The following EXT1 variants were observed in gnomAD, a reference collection of about 807,000 sequenced individuals.
EXT1 encodes the protein exostosin-1.
A neutral mutation model predicts 82.5 loss-of-function variants in EXT1; 20 were observed. That is an observed-to-expected ratio of 0.24 (90% CI 0.17 to 0.35). The LOEUF is 0.35. EXT1 is among the 10% of genes least tolerant of loss of function. EXT1 has a pLI of 1.00. For synonymous variants in EXT1, 348 were observed against 350.8 expected (o/e 0.99, Z 0.09); for missense variants, 757 against 936.5 (o/e 0.81, Z 2.50).
At chr8:117,840,523 A>T (rs2129800457) in intron 1 of EXT1, among the ~76,000 whole-genome samples, 1 of 152,144 alleles carries the variant, frequency 6.6e-6, no homozygotes, top group East Asian at 1.9e-4. Context: ...GAGGAAGAAG[A>T]ATCACTTGAA....
At chr8:118,010,804 C>T (rs145409335) in intron 1 of EXT1, among the ~76,000 whole-genome samples, 1 of 152,340 alleles carries the variant, frequency 6.6e-6, no homozygotes, top group East Asian at 1.9e-4. Flanking sequence ...TCTCACTCTT[C>T]CTCACTCTAC....
chr8:117,921,156 G>C (rs1050407052), intron 1 of EXT1, among the ~76,000 whole-genome samples: 4 of 152,088 alleles, frequency 2.6e-5, no homozygotes, highest in Admixed American at 6.6e-5. Context: ...ACTAATAAAG[G>C]CTTTGGGCAA....
chr8:118,030,737 C>T (rs914328256), intron 1 of EXT1, among the ~76,000 whole-genome samples: 1 of 152,210 alleles, frequency 6.6e-6, no homozygotes, highest in African/African-American at 2.4e-5. Context: ...CCGCCTCAGC[C>T]TCCCAAAGTG....
At chr8:117,945,051 A>G (rs2129681643) in intron 1 of EXT1, among the ~76,000 whole-genome samples, 1 of 152,214 alleles carries the variant, frequency 6.6e-6, no homozygotes, top group East Asian at 1.9e-4. Context: ...AGTCCCAGCT[A>G]CTCAGGAGGC....
In EXT1 at chr8:118,111,157, C is replaced by T. The variant is rs946441650; in HGVS notation, c.-111G>A. 7 of 1,439,680 alleles carry T rather than the reference C, an allele frequency of 4.9e-6. No individual in the cohort carries two copies. The African/African-American group carries it at 9.9e-5, about 20-fold the overall frequency. 89.2% of individuals were successfully genotyped at this position (1,439,680 alleles called of 1,614,324 possible). A position where few individuals can be genotyped will look rare whatever the true frequency, so the allele number is the denominator to read the frequency against. Reference sequence around the variant, plus strand: ...TCTTCCCGCCTGTAAAGACTTCAAACTCTCCGCTCCCACCTTCTCTGGATG... The same window carrying T: ...TCTTCCCGCCTGTAAAGACTTCAAATTCTCCGCTCCCACCTTCTCTGGATG... On this transcript the variant is annotated 5_prime_UTR_variant, in exon 1 of 11. Transcript: ENST00000378204.
intron 1 of EXT1, among the ~76,000 whole-genome samples, chr8:118,089,341 G>A (rs958943522): frequency 2.0e-5 from 3 of 152,116 alleles, no homozygotes; most frequent in African/African-American, 7.2e-5. Flanking sequence ...ACTAATCGAA[G>A]GAGCATTTTC....
intron 1 of EXT1, among the ~76,000 whole-genome samples, chr8:117,956,379 T>G (rs930791911): frequency 3.3e-5 from 5 of 152,154 alleles, no homozygotes; most frequent in African/African-American, 1.2e-4. Flanking sequence ...TCTATGAGAA[T>G]CTACCAAATG....
At chr8:117,870,073 T>C (rs1041216768) in intron 1 of EXT1, among the ~76,000 whole-genome samples, 2 of 152,150 alleles carry the variant, frequency 1.3e-5, no homozygotes, top group Non-Finnish European at 2.9e-5. Flanking sequence ...GTTGTTTCTG[T>C]AGTTTTAAGA....
At chr8:118,073,066 T>C (rs369936687) in intron 1 of EXT1, among the ~76,000 whole-genome samples, 2 of 152,166 alleles carry the variant, frequency 1.3e-5, no homozygotes, top group Admixed American at 6.5e-5. Context: ...AGGCTGGAAT[T>C]TGAAGCCAAA....
rs561475295 is a variant in EXT1 at position 117,899,384 on chromosome 8, C to T, written c.963-62183G>A. The stretch of plus-strand genomic sequence containing the variant: ...CAAAGCATTCATAATATATCTTCCC[C>T]GTACTTAAGAACCAGCTTCATCTCA... On this transcript the variant is annotated intron_variant, in intron 1 of 10. Coordinates refer to ENST00000378204, the MANE Select transcript of EXT1 (RefSeq NM_000127.3). 3.3e-5 allele frequency among the ~76,000 whole-genome samples: 5 copies of T among 152,316 alleles called. No individual in the cohort carries two copies. The East Asian group carries it at 9.6e-4, about 29-fold the overall frequency.
In EXT1 at chr8:117,968,603, T is replaced by C. The variant is rs1256830061; in HGVS notation, c.963-131402A>G. 2.0e-5 allele frequency among the ~76,000 whole-genome samples: 2 copies of C among 99,208 alleles called. 1 individual carries two copies. The highest frequency in any genetic ancestry group is 1.2e-4 in the African/African-American group (2 of 16,174). 65.1% of individuals were successfully genotyped at this position (99,208 alleles called of 152,430 possible). The stretch of plus-strand genomic sequence containing the variant: ...TTTTTTTTTTGAGACGGAGTCTCAC[T>C]CTGTCACCCAGGCTGGAGTGCAGTG... On this transcript the variant is annotated intron_variant, in intron 1 of 10. Coordinates refer to ENST00000378204, the MANE Select transcript of EXT1 (RefSeq NM_000127.3).
chr8:118,010,560 G>A (rs1378992232), intron 1 of EXT1, among the ~76,000 whole-genome samples: 3 of 151,920 alleles, frequency 2.0e-5, no homozygotes, highest in Admixed American at 6.6e-5. Flanking sequence ...AATGTGTTAC[G>A]CTGACCTCCC....
intron 1 of EXT1, among the ~76,000 whole-genome samples, chr8:118,015,287 C>T (rs905734242): frequency 1.3e-5 from 2 of 152,168 alleles, no homozygotes; most frequent in Non-Finnish European, 2.9e-5. Context: ...GTCATGATCA[C>T]AGAAACTCGA....
chr8:117,922,867 T>G (rs1006218084), intron 1 of EXT1, among the ~76,000 whole-genome samples: 6 of 152,210 alleles, frequency 3.9e-5, no homozygotes, highest in Admixed American at 1.3e-4. Flanking sequence ...TCCATTGCTT[T>G]CTGCAAAGAG....
At position 117,857,494 on chromosome 8, in the gene EXT1, G is replaced by C. The variant is rs536059569; in HGVS notation, c.963-20293C>G. Among the ~76,000 whole-genome samples the C allele has an allele frequency of 4.0e-5, 6 of 151,642 alleles. No homozygotes were observed. The South Asian group carries it at 6.3e-4, about 16-fold the overall frequency. Reference sequence around the variant, plus strand: ...ATGGCAGGAGGATTGCTTGAGCCTAGGAGTTCGAGACCAGCTTGGGCAACA... The same window carrying C: ...ATGGCAGGAGGATTGCTTGAGCCTACGAGTTCGAGACCAGCTTGGGCAACA... On this transcript the variant is annotated intron_variant, in intron 1 of 10. Transcript: ENST00000378204.
intron 1 of EXT1, among the ~76,000 whole-genome samples, chr8:118,088,944 A>G (rs530984998): frequency 1.3e-5 from 2 of 152,286 alleles, no homozygotes; most frequent in South Asian, 4.2e-4. Context: ...TTAAGGGGTC[A>G]CACCCCACCT....
chr8:117,947,287 T>C (rs1814408842), intron 1 of EXT1, among the ~76,000 whole-genome samples: 1 of 152,222 alleles, frequency 6.6e-6, no homozygotes, highest in Admixed American at 6.5e-5. Context: ...AAATTATATA[T>C]ACTTGACATT....
At chr8:118,009,234 C>G (rs936872241) in intron 1 of EXT1, among the ~76,000 whole-genome samples, 2 of 152,206 alleles carry the variant, frequency 1.3e-5, no homozygotes, top group South Asian at 4.1e-4. Context: ...GACTAACATT[C>G]TCCTCTGTTG....
At chr8:118,080,117 G>A (rs1407124987) in intron 1 of EXT1, among the ~76,000 whole-genome samples, 1 of 152,174 alleles carries the variant, frequency 6.6e-6, no homozygotes, top group Non-Finnish European at 1.5e-5. Flanking sequence ...ATGAATATGA[G>A]TATCTGTTTG....
Sources: gnomAD v4.1 joint callset for allele counts (sites outside exome capture counted in the v4.1 genomes callset) on GRCh38, gnomAD v4.1.1 for gene constraint, MANE v1.5 for transcripts, NCBI Gene and HGNC (gene_info 2026-07-23, HGNC 2026-07-21) for gene names.